Variants in EFHC2 observed in about 807,000 individuals in gnomAD.
EFHC2 encodes the protein EF-hand domain-containing family member C2.
Under a neutral mutation model 52.7 loss-of-function variants are expected in EFHC2, and 18 were observed. That is an observed-to-expected ratio of 0.34 (90% confidence interval 0.24 to 0.51). The LOEUF is 0.51. Among genes scored for constraint, EFHC2 ranks in the 20% least tolerant of loss-of-function variants. The probability of loss-of-function intolerance (pLI) is 0.97; values close to 1 mark genes in which losing one functional copy is unlikely to be tolerated. For missense variants in EFHC2, 513 were observed against 562.5 expected, an observed-to-expected ratio of 0.91 and a Z score of 0.89; for synonymous variants, 203 against 204.1, an observed-to-expected ratio of 0.99 and a Z score of 0.04.
chrX:44,280,683 A>C (rs1384585217), intron 2 of EFHC2, among the ~76,000 whole-genome samples: 1 of 112,198 alleles, frequency 8.9e-6, no homozygotes, highest in Admixed American at 9.5e-5. Flanking sequence ...CTTATGTGTT[A>C]GCAATAACCA....
At chrX:44,173,401 G>A (rs1459379934) in intron 13 of EFHC2, among the ~76,000 whole-genome samples, 1 of 111,964 alleles carries the variant, frequency 8.9e-6, no homozygotes, top group African/African-American at 3.3e-5. Context: ...GTAAAGCCCT[G>A]TGGAGTCTGT....
intron 8 of EFHC2, among the ~76,000 whole-genome samples, chrX:44,241,577 A>G (rs1479162783): frequency 8.9e-6 from 1 of 112,549 alleles, no homozygotes; most frequent in Non-Finnish European, 1.9e-5. Context: ...TGGTTTTTAC[A>G]TTTTGAAACG....
At chrX:44,273,806 T>C (rs1264662639) in intron 2 of EFHC2, among the ~76,000 whole-genome samples, 1 of 111,739 alleles carries the variant, frequency 8.9e-6, no homozygotes, top group African/African-American at 3.3e-5. Context: ...AATATTCTCT[T>C]TGTCTCTCAC....
At chrX:44,268,498 A>G (rs1010975160) in intron 3 of EFHC2, among the ~76,000 whole-genome samples, 2 of 111,527 alleles carry the variant, frequency 1.8e-5, no homozygotes, top group African/African-American at 6.5e-5. Context: ...AATGCAAGTC[A>G]CTAACCCAGG....
chrX:44,176,630 T>C (rs1042557861), intron 12 of EFHC2, among the ~76,000 whole-genome samples: 1 of 112,352 alleles, frequency 8.9e-6, no homozygotes, highest in African/African-American at 3.2e-5. Context: ...AGATTCTTGG[T>C]TGGTGACAGT....
intron 3 of EFHC2, among the ~76,000 whole-genome samples, chrX:44,268,887 T>C (rs780448502): frequency 3.6e-5 from 4 of 111,716 alleles, no homozygotes; most frequent in Non-Finnish European, 7.5e-5. Context: ...TGAAAACCTG[T>C]TTTTAAAATG....
At chrX:44,284,533 A>G (rs1363342574) in intron 2 of EFHC2, 2 of 111,210 alleles carry the variant, frequency 1.8e-5, no homozygotes, top group African/African-American at 6.6e-5. Flanking sequence ...TTAGTTCACA[A>G]TCAGACCTAG....
At chrX:44,230,531 C>T (rs1431491887) in intron 10 of EFHC2, among the ~76,000 whole-genome samples, 2 of 111,312 alleles carry the variant, frequency 1.8e-5, no homozygotes, top group Non-Finnish European at 3.8e-5. Flanking sequence ...CATTTCCTTT[C>T]ATCTATTTCC....
At chrX:44,186,011 G>C (rs73628315) in intron 11 of EFHC2, among the ~76,000 whole-genome samples, 1 of 111,514 alleles carries the variant, frequency 9.0e-6, no homozygotes, top group Non-Finnish European at 1.9e-5. Context: ...TGTTTTCTCT[G>C]TATTACTGTT....
At chrX:44,197,367 G>C (rs1417963234) in intron 11 of EFHC2, among the ~76,000 whole-genome samples, 1 of 111,646 alleles carries the variant, frequency 9.0e-6, no homozygotes, top group Non-Finnish European at 1.9e-5. Flanking sequence ...AGATATGCTG[G>C]GTAGCACCAG....
chrX:44,157,680 A>T (rs987753070), intron 14 of EFHC2, among the ~76,000 whole-genome samples: 4 of 108,940 alleles, frequency 3.7e-5, no homozygotes, highest in Non-Finnish European at 5.7e-5. Flanking sequence ...CTCCAATAAC[A>T]CCAGTCCCCC....
intron 1 of EFHC2, among the ~76,000 whole-genome samples, chrX:44,342,307 A>C (rs542042937): frequency 5.3e-5 from 6 of 112,359 alleles, no homozygotes; most frequent in Admixed American, 4.7e-4. Flanking sequence ...ATAAAGCCAA[A>C]TACTTCAATC....
chrX:44,288,304 AT>A (rs957676064), intron 2 of EFHC2, among the ~76,000 whole-genome samples: 1 of 111,487 alleles, frequency 9.0e-6, no homozygotes, highest in African/African-American at 3.3e-5. Context: ...TAGAAAAAAA[AT>A]CTATTGAAAA....
intron 11 of EFHC2, among the ~76,000 whole-genome samples, chrX:44,221,307 T>C (rs1192511902): frequency 1.8e-5 from 2 of 111,675 alleles, no homozygotes; most frequent in Non-Finnish European, 3.8e-5. Flanking sequence ...CTTTCCTTTA[T>C]GGCTTTTGGA....
intron 1 of EFHC2, among the ~76,000 whole-genome samples, chrX:44,343,124 A>T (rs1057331720): frequency 9.0e-6 from 1 of 110,877 alleles, no homozygotes; most frequent in African/African-American, 3.3e-5. Context: ...AGGTTGCTTG[A>T]AAGAAACCCA....
intron 1 of EFHC2, among the ~76,000 whole-genome samples, chrX:44,327,748 A>G (rs1323665146): frequency 9.0e-6 from 1 of 111,703 alleles, no homozygotes; most frequent in Non-Finnish European, 1.9e-5. Flanking sequence ...ATCATTACTT[A>G]TTAATTAAGC....
intron 2 of EFHC2, among the ~76,000 whole-genome samples, chrX:44,278,212 T>C (rs1375207133): frequency 1.8e-5 from 2 of 111,656 alleles, no homozygotes; most frequent in Non-Finnish European, 3.8e-5. Context: ...CAATCTCTAC[T>C]AAAAACACAA....
chrX:44,147,878 G>A lies in EFHC2; in HGVS notation c.*917C>T, dbSNP rs763883913. ...ATAGACTTCTTACACTGAATTCCCAGAGGTACATGGCTATGGGTTTTAATC... is the reference window on the plus strand; with the variant it reads ...ATAGACTTCTTACACTGAATTCCCAAAGGTACATGGCTATGGGTTTTAATC... On this transcript the variant is annotated 3_prime_UTR_variant, in exon 15 of 15. Coordinates refer to ENST00000420999, the MANE Select transcript of EFHC2 (RefSeq NM_025184.4). 4.5e-5 allele frequency: 5 copies of A among 111,303 alleles called. No homozygotes were observed. In the South Asian group the frequency reaches 1.9e-3, roughly 43 times the overall value. 9.2% of individuals were successfully genotyped at this position (111,303 alleles called of 1,213,427 possible). A position where few individuals can be genotyped will look rare whatever the true frequency, so the allele number is the denominator to read the frequency against.
intron 14 of EFHC2, among the ~76,000 whole-genome samples, chrX:44,161,571 C>A (rs1057185015): frequency 2.7e-5 from 3 of 111,620 alleles, no homozygotes; most frequent in Admixed American, 1.9e-4. Context: ...ACTGGTCAAC[C>A]CAACTGGAGG....
Sources: gnomAD v4.1 joint callset for allele counts (sites outside exome capture counted in the v4.1 genomes callset) on GRCh38, gnomAD v4.1.1 for gene constraint, MANE v1.5 for transcripts, NCBI Gene and HGNC (gene_info 2026-07-23, HGNC 2026-07-21) for gene names.